Variants in ATP10B observed in about 807,000 individuals in gnomAD.
ATP10B encodes phospholipid-transporting ATPase VB.
A neutral mutation model predicts 141.2 loss-of-function variants in ATP10B; 122 were observed. That is an observed-to-expected ratio of 0.86 (90% CI 0.75 to 1.00). The LOEUF is 1.00. Among genes scored for constraint, ATP10B ranks in the 50% least tolerant of loss-of-function variants. The pLI, the probability that ATP10B is intolerant of heterozygous loss-of-function variation, is 0.00. For missense variants in ATP10B, 1,876 were observed against 1,825.3 expected (o/e 1.03, Z -0.51); for synonymous variants, 685 against 692.0 (o/e 0.99, Z 0.16).
chr5:160,877,200 T>G, the ATP10B span, among the ~76,000 whole-genome samples: 1 of 152,112 alleles, frequency 6.6e-6, no homozygotes, highest in African/African-American at 2.4e-5. Flanking sequence ...TCAAGTGGGC[T>G]TCATCCCTAG....
At chr5:160,810,348 CTATT>C (rs762275156) in intron 1 of ATP10B, among the ~76,000 whole-genome samples, 41 of 151,644 alleles carry the variant, frequency 2.7e-4, no homozygotes, top group Admixed American at 1.4e-3. Context: ...CTTTTTTGAC[CTATT>C]TAAAGTTTTA....
At chr5:160,683,144 A>C (rs1763534939) in intron 6 of ATP10B, among the ~76,000 whole-genome samples, 1 of 152,090 alleles carries the variant, frequency 6.6e-6, no homozygotes, top group Admixed American at 6.5e-5. Flanking sequence ...ACACCCCAGC[A>C]GTGATTTCAT....
chr5:160,905,729 T>TA, the ATP10B span, among the ~76,000 whole-genome samples: 86,351 of 151,210 alleles, frequency 0.57, 24,899 homozygotes, highest in South Asian at 0.65. Context: ...TATAATGTGT[T>TA]AAAAAAAAAT....
chr5:160,767,719 G>C (rs1048890327), intron 2 of ATP10B, among the ~76,000 whole-genome samples: 3 of 143,144 alleles, frequency 2.1e-5, no homozygotes, highest in Non-Finnish European at 3.0e-5. Context: ...ATAAAGCTTG[G>C]CTCCCTAACA....
chr5:160,634,222 C>T, intron 12 of ATP10B, 132 bp downstream of exon 12: 2 of 1,273,726 alleles, frequency 1.6e-6, no homozygotes. Context: ...CACAGGGATA[C>T]AGGAAGCAAC....
At chr5:160,676,730 C>G (rs954197460) in intron 6 of ATP10B, among the ~76,000 whole-genome samples, 1 of 152,200 alleles carries the variant, frequency 6.6e-6, no homozygotes, top group Non-Finnish European at 1.5e-5. Context: ...GTGGAGACTT[C>G]TAACAATGAT....
At chr5:160,608,966 T>C (rs1757558725) in intron 18 of ATP10B, among the ~76,000 whole-genome samples, 1 of 152,242 alleles carries the variant, frequency 6.6e-6, no homozygotes, top group Non-Finnish European at 1.5e-5. Flanking sequence ...TTGGCTTTTG[T>C]TGCCATTGCC....
chr5:160,686,095 T>C lies in ATP10B; in HGVS notation c.454A>G (p.Ile152Val), dbSNP rs1231266181. ...TTTTCTTACCTTTCATAAATTCGAA[T>C]GTTGGAGCAGTTTATTGCTTTATCA... ...RFDKAINCSN[I>V]RIYERKEQTY... Residue 152 changes from isoleucine (I) to valine (V), a missense_variant, in exon 6 of 26, where the codon ATT becomes GTT. Transcript: ENST00000327245. 6.4e-7 allele frequency: 1 copy of C among 1,568,918 alleles called. No individual in the cohort carries two copies. Among genetic ancestry groups the C allele is most frequent in the Non-Finnish European group, 8.7e-7 (1 of 1,152,694 alleles).
At chr5:160,584,621 T>C (rs1755773780) in intron 24 of ATP10B, among the ~76,000 whole-genome samples, 1 of 152,222 alleles carries the variant, frequency 6.6e-6, no homozygotes, top group African/African-American at 2.4e-5. Context: ...GAAAAATGTA[T>C]AGTTAAATGT....
chr5:160,763,729 T>C (rs780717524), intron 2 of ATP10B, among the ~76,000 whole-genome samples: 3 of 151,898 alleles, frequency 2.0e-5, no homozygotes, highest in Non-Finnish European at 4.4e-5. Flanking sequence ...CTAAATGAAA[T>C]TGAAACAAAA....
the ATP10B span, among the ~76,000 whole-genome samples, chr5:160,921,219 C>T: frequency 6.6e-6 from 1 of 151,468 alleles, no homozygotes; most frequent in Non-Finnish European, 1.5e-5. Context: ...CATAAATGTA[C>T]ATGTGTATAT....
At chr5:160,601,580 C>T (rs1045092714) in intron 21 of ATP10B, among the ~76,000 whole-genome samples, 1 of 152,162 alleles carries the variant, frequency 6.6e-6, no homozygotes, top group Non-Finnish European at 1.5e-5. Flanking sequence ...TTGCTTTAGG[C>T]CCTCATCAAC....
In ATP10B at chr5:160,634,375, C is replaced by A; in HGVS notation, c.1360G>T (p.Glu454Ter). ...ATACCATTTTCTTGGTGAGAATACT[C>A]GCTGCCCATGATGGTGCAACGTCGG... ...VFRRCTIMGSEYSHQENAKRL... is the reference protein window; with the variant it reads ...VFRRCTIMGS The change falls in exon 12 of 26, where the codon GAG becomes TAG. Residue 454 changes from glutamate (E) to a stop codon, truncating the protein, a stop_gained. Coordinates refer to ENST00000327245, the MANE Select transcript of ATP10B (RefSeq NM_025153.3). LOFTEE classifies it high-confidence loss of function. The A allele has an allele frequency of 6.2e-7, 1 of 1,614,152 alleles. No individual in the cohort carries two copies. Among genetic ancestry groups the A allele is most frequent in the African/African-American group, 1.3e-5 (1 of 75,034 alleles).
chr5:160,695,099 C>T (rs1274076118), intron 3 of ATP10B, among the ~76,000 whole-genome samples: 1 of 152,114 alleles, frequency 6.6e-6, no homozygotes, highest in African/African-American at 2.4e-5. Context: ...GGAAACAGAA[C>T]AATAGAAAAA....
At chr5:160,825,803 C>A (rs1311906675) in intron 1 of ATP10B, among the ~76,000 whole-genome samples, 1 of 152,164 alleles carries the variant, frequency 6.6e-6, no homozygotes, top group Non-Finnish European at 1.5e-5. Flanking sequence ...CCTCTTCCCA[C>A]CTCCGCCCTT....
chr5:160,727,196 A>C (rs1229347648), intron 2 of ATP10B, among the ~76,000 whole-genome samples: 1 of 152,186 alleles, frequency 6.6e-6, no homozygotes, highest in African/African-American at 2.4e-5. Context: ...CCTGCTACAT[A>C]TTAGTATTAT....
chr5:160,902,205 G>A, the ATP10B span, among the ~76,000 whole-genome samples: 15 of 152,288 alleles, frequency 9.8e-5, no homozygotes, highest in East Asian at 1.9e-4. Context: ...TAAGTGTGAC[G>A]TAAAATTCTA....
intron 22 of ATP10B, among the ~76,000 whole-genome samples, chr5:160,596,829 C>CT (rs1400821809): frequency 6.6e-6 from 1 of 152,174 alleles, no homozygotes; most frequent in Non-Finnish European, 1.5e-5. Flanking sequence ...AGGAATCCAA[C>CT]TTACAAGGGA....
chr5:160,572,718 T>G (rs115784925), intron 24 of ATP10B, among the ~76,000 whole-genome samples: 2,381 of 152,326 alleles, frequency 0.016, 28 homozygotes, highest in Middle Eastern at 0.075. Flanking sequence ...AAGAGAGTCA[T>G]AGAGAGGAGA....
Sources: gnomAD v4.1 joint callset for allele counts (sites outside exome capture counted in the v4.1 genomes callset) on GRCh38, gnomAD v4.1.1 for gene constraint, MANE v1.5 for transcripts, NCBI Gene and HGNC (gene_info 2026-07-23, HGNC 2026-07-21) for gene names.